Variants in ZNF721 observed in about 807,000 individuals in gnomAD.
ZNF721 encodes the protein zinc finger protein 721.
A neutral mutation model predicts 2.4 loss-of-function variants in ZNF721; 2 were observed. The ratio of observed to expected loss-of-function variants is 0.82; its 90% CI spans 0.34 to 2.58. The LOEUF is 2.58. Among genes scored for constraint, ZNF721 ranks in the 30% most tolerant of loss-of-function variants. The pLI, the probability that ZNF721 is intolerant of heterozygous loss-of-function variation, is 0.11. For synonymous variants in ZNF721, 398 were observed against 381.8 expected (o/e 1.04, Z -0.50); for missense variants, 1,187 against 1,085.5 (o/e 1.09, Z -1.31).
At chr4:470,487 G>C (rs782067151) in intron 2 of ZNF721, among the ~76,000 whole-genome samples, 1 of 152,136 alleles carries the variant, frequency 6.6e-6, no homozygotes, top group Non-Finnish European at 1.5e-5. Flanking sequence ...AACAAGGCGG[G>C]AGGATCACTT....
chr4:474,003 C>T (rs1553868170), intron 1 of ZNF721: 1 of 1,504,558 alleles, frequency 6.6e-7, no homozygotes, highest in South Asian at 1.1e-5. Context: ...TCAAGGGTGT[C>T]GCGAAGTCTT....
chr4:448,819 C>T (rs1393370402), intron 2 of ZNF721, among the ~76,000 whole-genome samples: 1 of 152,210 alleles, frequency 6.6e-6, no homozygotes, highest in Admixed American at 6.5e-5. Context: ...CTCATAATTA[C>T]TGCAGCATTG....
chr4:490,851 G>C (rs1211809664), intron 1 of ZNF721, among the ~76,000 whole-genome samples: 1 of 152,080 alleles, frequency 6.6e-6, no homozygotes, highest in African/African-American at 2.4e-5. Flanking sequence ...CTACTTGGGA[G>C]GCTGAGGCAG....
intron 2 of ZNF721, among the ~76,000 whole-genome samples, chr4:450,995 A>C (rs1444054038): frequency 7.2e-5 from 9 of 124,308 alleles, no homozygotes; most frequent in East Asian, 2.4e-4. Context: ...ATATATATAT[A>C]TCCCAAAAAT....
At chr4:459,057 G>A (rs559219259) in intron 2 of ZNF721, among the ~76,000 whole-genome samples, 4 of 152,174 alleles carry the variant, frequency 2.6e-5, no homozygotes, top group Non-Finnish European at 5.9e-5. Flanking sequence ...GCCAAACCAA[G>A]CTTCATAAGC....
At chr4:464,414 A>T (rs369715675) in intron 2 of ZNF721, among the ~76,000 whole-genome samples, 1 of 148,372 alleles carries the variant, frequency 6.7e-6, no homozygotes, top group East Asian at 2.0e-4. Context: ...GATTGCAGTG[A>T]GCCGAGATCA....
At position 442,763 on chromosome 4, in the gene ZNF721, C is replaced by T; in HGVS notation, c.1704G>A (p.Gln568=). 1 of 1,613,992 alleles carries T rather than the reference C, an allele frequency of 6.2e-7. No individual in the cohort carries two copies. The highest frequency in any genetic ancestry group is 1.3e-5 in the African/African-American group (1 of 75,026). The change falls in exon 3 of 3, where the codon CAG becomes CAA. Residue 568 remains glutamine, a synonymous_variant. Transcript: ENST00000511833. The stretch of plus-strand genomic sequence containing the variant: ...TCCTATGTACATAAAGGTTTGCGGA[C>T]TGTCTAAAGGTTTTGCCACATTCTT... ...TCEECGKTFR[Q]SANLYVHRRI... is the part of the protein sequence containing the mutation.
chr4:441,380 C>T lies in ZNF721; in HGVS notation c.*315G>A. 1 of 209,176 alleles carries T rather than the reference C, an allele frequency of 4.8e-6. No individual in the cohort carries two copies. Among genetic ancestry groups the T allele is most frequent in the Non-Finnish European group, 9.5e-6 (1 of 104,726 alleles). 13.0% of individuals were successfully genotyped at this position (209,176 alleles called of 1,614,324 possible). On this transcript the variant is annotated 3_prime_UTR_variant, in exon 3 of 3. Transcript: ENST00000511833. ...AGTTTTGCCACATTTTTTGTATTTC[C>T]AGGTGTTTTCTTCAGTAGGAATTAC...
In ZNF721 at chr4:441,520, C is replaced by G. The variant is rs1714233875; in HGVS notation, c.*175G>C. 1.0e-5 allele frequency: 6 copies of G among 600,628 alleles called. No individual in the cohort carries two copies. The highest frequency in any genetic ancestry group is 1.7e-5 in the Non-Finnish European group (6 of 353,632). The allele number at this position is 600,628 out of a possible 1,614,324, so 37.2% of individuals were successfully genotyped here. A position where few individuals can be genotyped will look rare whatever the true frequency, so the allele number is the denominator to read the frequency against. ...AGATTGAGGTGTGATTAAAAGCCTT[C>G]TCACATTTTTCACATTTTAGAGTTT... On this transcript the variant is annotated 3_prime_UTR_variant, in exon 3 of 3. Coordinates refer to ENST00000511833, the MANE Select transcript of ZNF721 (RefSeq NM_133474.4).
chr4:448,003 G>T (rs1429632492), intron 2 of ZNF721, among the ~76,000 whole-genome samples: 1 of 152,040 alleles, frequency 6.6e-6, no homozygotes, highest in East Asian at 1.9e-4. Context: ...AAAGAATAAT[G>T]AAACAAGATA....
intron 1 of ZNF721, among the ~76,000 whole-genome samples, chr4:487,025 A>G (rs1290217413): frequency 1.3e-5 from 2 of 152,228 alleles, no homozygotes; most frequent in Admixed American, 6.5e-5. Context: ...AGTCAGGCCA[A>G]CGTTGATCCT....
intron 2 of ZNF721, 150 bp downstream of exon 2, chr4:472,425 T>G (rs528556002): frequency 1.2e-6 from 1 of 866,486 alleles, no homozygotes; most frequent in Non-Finnish European, 1.7e-6. Flanking sequence ...ATCAACAATG[T>G]TAAGAATTTA....
chr4:494,968 C>A (rs894770412), intron 1 of ZNF721, among the ~76,000 whole-genome samples: 14 of 150,638 alleles, frequency 9.3e-5, no homozygotes, highest in Admixed American at 7.9e-4. Context: ...CGGCTCACTG[C>A]AAGCTCCGGG....
chr4:491,504 G>A (rs145121140), intron 1 of ZNF721, among the ~76,000 whole-genome samples: 50 of 152,336 alleles, frequency 3.3e-4, no homozygotes, highest in African/African-American at 9.9e-4. Context: ...AGGACAGCTC[G>A]GCTCTGCTAA....
Position 441,745 on chromosome 4 carries a change from G to T in ZNF721, c.2722C>A (p.Leu908Ile). The change falls in exon 3 of 3, where the codon CTT (leucine) becomes ATT (isoleucine). Residue 908 changes from leucine (L) to isoleucine (I), a missense_variant. By Grantham distance (5) the Leu-to-Ile change is conservative. Transcript: ENST00000511833. ...GTATGAATTTTCTTATGTGCATAAA[G>T]ATTTGCAGACTGTCTAAAGGTTTTG... ...CGKTFRQSAN[L>I]YAHKKIHTGD... The T allele has an allele frequency of 1.2e-6, 2 of 1,613,294 alleles. No individual in the cohort carries two copies. Among genetic ancestry groups the T allele is most frequent in the Non-Finnish European group, 1.7e-6 (2 of 1,179,636 alleles).
Position 444,294 on chromosome 4 carries a change from A to G in ZNF721, c.173T>C (p.Val58Ala), listed in dbSNP as rs1156614989. The G allele has an allele frequency of 2.5e-6, 4 of 1,614,006 alleles. No homozygotes were observed. Among genetic ancestry groups the G allele is most frequent in the Admixed American group, 3.3e-5 (2 of 60,008 alleles). The part of the protein sequence containing the change: ...QLRKGCKSMN[V>A]CKVQKGVYNG... ...ATAAACTCCCTTCTGCACTTTACAC[A>G]CGTTCATACTTTTACAGCCTTTCCT... The change falls in exon 3 of 3, where the codon GTG (valine) becomes GCG (alanine). Residue 58 changes from valine to alanine, a missense_variant. Val to Ala is a moderately conservative substitution (Grantham distance 64). Transcript: ENST00000511833.
intron 2 of ZNF721, among the ~76,000 whole-genome samples, chr4:459,070 AG>A (rs1714936661): frequency 6.6e-6 from 1 of 152,232 alleles, no homozygotes; most frequent in African/African-American, 2.4e-5. Context: ...TCATAAGCGA[AG>A]GAAAAATAAA....
intron 2 of ZNF721, among the ~76,000 whole-genome samples, chr4:469,715 A>G (rs7698112): frequency 0.33 from 49,490 of 152,060 alleles, 8,087 homozygotes; most frequent in Middle Eastern, 0.34. Context: ...TGGCATGTGC[A>G]TAAACACACA....
chr4:484,300 C>G (rs2108719844), intron 1 of ZNF721, among the ~76,000 whole-genome samples: 1 of 152,216 alleles, frequency 6.6e-6, no homozygotes, highest in East Asian at 1.9e-4. Context: ...CCTCAGGACC[C>G]TGTAATAATT....
Sources: allele counts gnomAD v4.1 joint callset (sites outside exome capture counted in the v4.1 genomes callset), GRCh38; gene constraint gnomAD v4.1.1; transcripts MANE v1.5; gene names NCBI Gene and HGNC (gene_info 2026-07-23, HGNC 2026-07-21).